PCNX1: variants seen among roughly 807,000 people sequenced by gnomAD.
PCNX1 encodes pecanex 1.
A neutral mutation model predicts 242.2 loss-of-function variants in PCNX1; 78 were observed. The observed-to-expected ratio is 0.32, with a 90% CI of 0.27 to 0.39. The LOEUF is 0.39. Ranked by LOEUF, PCNX1 falls within the 10% of genes least tolerant of loss-of-function variation. The probability of loss-of-function intolerance (pLI) is 1.00; values close to 1 mark genes in which losing one functional copy is unlikely to be tolerated. For synonymous variants in PCNX1, 1,024 were observed against 1,032.9 expected, an observed-to-expected ratio of 0.99 and a Z score of 0.17; for missense variants, 2,581 against 2,856.5, an observed-to-expected ratio of 0.90 and a Z score of 2.20.
intron 25 of PCNX1, among the ~76,000 whole-genome samples, chr14:71,056,095 T>A (rs2061175130): frequency 6.6e-6 from 1 of 152,232 alleles, no homozygotes; most frequent in Admixed American, 6.5e-5. Flanking sequence ...GGAAACATCA[T>A]TTTATTGGCC....
intron 1 of PCNX1, among the ~76,000 whole-genome samples, chr14:70,946,320 G>A (rs148617535): frequency 6.6e-6 from 1 of 152,164 alleles, no homozygotes; most frequent in African/African-American, 2.4e-5. Flanking sequence ...CAATTTTCTG[G>A]AATACGAAGA....
intron 1 of PCNX1, among the ~76,000 whole-genome samples, chr14:70,936,734 T>G (rs1374911621): frequency 6.6e-6 from 1 of 152,190 alleles, no homozygotes; most frequent in African/African-American, 2.4e-5. Flanking sequence ...TTGAACTAGT[T>G]TACAGTCCCA....
intron 3 of PCNX1, chr14:70,965,285 G>C (rs942598655): frequency 6.6e-6 from 1 of 152,122 alleles, no homozygotes; most frequent in Non-Finnish European, 1.5e-5. Context: ...TACTTAGTGT[G>C]GGTTGGGGAG....
intron 11 of PCNX1, 53 bp downstream of exon 11, chr14:71,013,255 A>G: frequency 7.4e-7 from 1 of 1,347,728 alleles, no homozygotes; most frequent in South Asian, 1.2e-5. Context: ...TTTTAAGATG[A>G]AGTGTCTTTA....
intron 7 of PCNX1, among the ~76,000 whole-genome samples, chr14:70,992,518 A>G (rs1172252889): frequency 1.3e-5 from 2 of 151,692 alleles, no homozygotes; most frequent in Non-Finnish European, 2.9e-5. Context: ...CTTAGACTTT[A>G]CATTTTAGTT....
chr14:71,109,630 C>T (rs751994922), intron 35 of PCNX1, 38 bp downstream of exon 35: 11 of 1,611,882 alleles, frequency 6.8e-6, no homozygotes, highest in Non-Finnish European at 8.5e-6. Flanking sequence ...GGGGCTCTGC[C>T]TTTTTTGAAG....
In PCNX1 at chr14:71,109,581, A is replaced by G. The variant is rs758497017; in HGVS notation, c.6874A>G (p.Met2292Val). 6.8e-6 allele frequency: 11 copies of G among 1,614,188 alleles called. No individual in the cohort carries two copies. The highest frequency in any genetic ancestry group is 8.5e-6 in the Non-Finnish European group (10 of 1,180,012). ...SWKDWSPQEGMEGHVIHRWVP... is the reference protein window; with the variant it reads ...SWKDWSPQEGVEGHVIHRWVP... ...GAAAGACTGGAGTCCGCAGGAGGGCATGGAAGGCCATGTAAGTTCTTTTAC... is the reference window on the plus strand; with the variant it reads ...GAAAGACTGGAGTCCGCAGGAGGGCGTGGAAGGCCATGTAAGTTCTTTTAC... The change falls in exon 35 of 36, where the codon ATG becomes GTG. Residue 2292 changes from methionine to valine, a missense_variant. Met to Val is a conservative substitution (Grantham distance 21). Transcript: ENST00000304743.
intron 10 of PCNX1, 149 bp downstream of exon 10, chr14:71,011,698 C>T: frequency 1.7e-6 from 1 of 597,672 alleles, no homozygotes; most frequent in African/African-American, 1.9e-5. Flanking sequence ...TGCTGCCCTC[C>T]AGTGGCTCTC....
At chr14:70,988,867 T>A (rs577436181) in intron 7 of PCNX1, among the ~76,000 whole-genome samples, 168 bp downstream of exon 7, 1 of 152,332 alleles carries the variant, frequency 6.6e-6, no homozygotes, top group South Asian at 2.1e-4. Context: ...ACCATGAGCC[T>A]GTTGCATTAT....
chr14:70,942,211 C>A (rs551682459), intron 1 of PCNX1, among the ~76,000 whole-genome samples: 3 of 152,158 alleles, frequency 2.0e-5, no homozygotes, highest in African/African-American at 7.2e-5. Context: ...GCATCGCTCA[C>A]GCTGGGAGCT....
intron 5 of PCNX1, among the ~76,000 whole-genome samples, chr14:70,974,721 G>T (rs1358847164): frequency 1.3e-5 from 2 of 152,048 alleles, no homozygotes; most frequent in Non-Finnish European, 2.9e-5. Context: ...CTTTAAGAAG[G>T]TTACACCAGT....
At chr14:71,083,633 G>A (rs538453021) in intron 28 of PCNX1, among the ~76,000 whole-genome samples, 1 of 151,870 alleles carries the variant, frequency 6.6e-6, no homozygotes, top group South Asian at 2.1e-4. Flanking sequence ...TCTCCTGCTT[G>A]ATCGATTTGG....
intron 1 of PCNX1, among the ~76,000 whole-genome samples, chr14:70,918,840 C>A (rs1046682967): frequency 6.6e-6 from 1 of 150,802 alleles, no homozygotes; most frequent in Non-Finnish European, 1.5e-5. Flanking sequence ...TTACTGTTAT[C>A]AATTTCTTAT....
chr14:70,909,975 A>G (rs1410051931), intron 1 of PCNX1, among the ~76,000 whole-genome samples: 2 of 139,356 alleles, frequency 1.4e-5, no homozygotes, highest in African/African-American at 2.7e-5. Context: ...TCAGCCACTT[A>G]TTGCTTATGA....
rs547629911 is a variant in PCNX1, at chr14:71,032,835, T to G, written c.3559-594T>G. On this transcript the variant is annotated intron_variant, in intron 16 of 35. Coordinates refer to ENST00000304743, the MANE Select transcript of PCNX1 (RefSeq NM_014982.3). ...GCAGAGCTCATACGGAGTGACCACG[T>G]GTGGTTGGCTTTGGAAGATAGCCTT... Among the ~76,000 whole-genome samples, 175 of 152,340 alleles carry G rather than the reference T, an allele frequency of 1.1e-3. 1 individual carries two copies. Among genetic ancestry groups the G allele is most frequent in the Non-Finnish European group, 1.2e-3 (83 of 68,028 alleles).
chr14:70,938,115 C>T (rs914516773), intron 1 of PCNX1, among the ~76,000 whole-genome samples: 3 of 151,960 alleles, frequency 2.0e-5, no homozygotes, highest in African/African-American at 7.3e-5. Flanking sequence ...AATTGAATAC[C>T]CTTTATTTCC....
Position 71,073,742 on chromosome 14 carries a change from G to A in PCNX1, c.5050G>A (p.Ala1684Thr). The A allele has an allele frequency of 6.2e-7, 1 of 1,612,896 alleles. No individual in the cohort carries two copies. The highest frequency in any genetic ancestry group is 8.5e-7 in the Non-Finnish European group (1 of 1,179,048). The stretch of plus-strand genomic sequence containing the variant: ...TTATAGCATCACTGATAACAGTGCT[G>A]CTTCTATGCTTCAAGTCTTTGATCT... ...EGYSITDNSA[A>T]SMLQVFDLRK... The change falls in exon 27 of 36, where the codon GCT (alanine) becomes ACT (threonine). Residue 1684 changes from alanine to threonine, a missense_variant. Ala to Thr is a moderately conservative substitution (Grantham distance 58, BLOSUM62 0). This residue lies in a region of PCNX1 where 298 missense variants were observed against 480.1 expected (regional missense o/e 0.62). Coordinates refer to ENST00000304743, the MANE Select transcript of PCNX1 (RefSeq NM_014982.3).
chr14:70,910,213 C>T (rs2055827805), intron 1 of PCNX1, among the ~76,000 whole-genome samples: 2 of 96,018 alleles, frequency 2.1e-5, no homozygotes, highest in African/African-American at 8.3e-5. Context: ...CCTCGTCCTC[C>T]TCCTCCTCCT....
chr14:71,097,944 CTTGAG>C (rs796789176), intron 30 of PCNX1, among the ~76,000 whole-genome samples: 8 of 152,250 alleles, frequency 5.3e-5, no homozygotes, highest in African/African-American at 1.9e-4. Context: ...TCCATTCCAT[CTTGAG>C]TTAATATTTG....
Sources: allele counts gnomAD v4.1 joint callset (sites outside exome capture counted in the v4.1 genomes callset), GRCh38; gene constraint gnomAD v4.1.1; regional missense constraint gnomAD v4.1.1; transcripts MANE v1.5; gene names NCBI Gene and HGNC (gene_info 2026-07-23, HGNC 2026-07-21).